The following ADGRV1 variants were observed in gnomAD, a reference collection of about 807,000 sequenced individuals.
ADGRV1 encodes adhesion G protein-coupled receptor V1, also known as G-protein coupled receptor 98.
A neutral mutation model predicts 596.2 loss-of-function variants in ADGRV1; 359 were observed. The observed-to-expected ratio is 0.60, with a 90% confidence interval of 0.55 to 0.66. The LOEUF (loss-of-function observed/expected upper bound fraction) is 0.66. Ranked by LOEUF, ADGRV1 falls within the 30% of genes least tolerant of loss-of-function variation. The probability of loss-of-function intolerance (pLI) is 0.00; values close to 1 mark genes in which losing one functional copy is unlikely to be tolerated. For missense variants in ADGRV1, 7,274 were observed against 7,575.6 expected, an observed-to-expected ratio of 0.96 and a Z score of 1.48; for synonymous variants, 2,681 against 2,679.2, an observed-to-expected ratio of 1.00 and a Z score of -0.02.
At chr5:90,750,267 A>T (rs1755092243) in intron 52 of ADGRV1, among the ~76,000 whole-genome samples, 1 of 152,346 alleles carries the variant, frequency 6.6e-6, no homozygotes, top group African/African-American at 2.4e-5. Flanking sequence ...AATGTAATAT[A>T]TGTTCACTGA....
At chr5:90,696,188 T>C (rs1325336204) in intron 33 of ADGRV1, among the ~76,000 whole-genome samples, 1 of 152,074 alleles carries the variant, frequency 6.6e-6, no homozygotes, top group Non-Finnish European at 1.5e-5. Flanking sequence ...GGGGAGAAAA[T>C]AAATAGGGGA....
chr5:91,094,953 G>A (rs1385707329), intron 86 of ADGRV1, among the ~76,000 whole-genome samples: 1 of 152,172 alleles, frequency 6.6e-6, no homozygotes, highest in African/African-American at 2.4e-5. Flanking sequence ...CATAATAAGT[G>A]TTGATAGAGT....
chr5:91,000,004 T>C (rs1396881780), intron 85 of ADGRV1, among the ~76,000 whole-genome samples: 3 of 152,238 alleles, frequency 2.0e-5, no homozygotes, highest in African/African-American at 4.8e-5. Context: ...AATAATGTTA[T>C]ATTTTTCTTA....
intron 54 of ADGRV1, 135 bp downstream of exon 54, chr5:90,753,964 T>C: frequency 1.3e-6 from 1 of 787,134 alleles, no homozygotes; most frequent in Non-Finnish European, 1.9e-6. Context: ...CAATCCTTTT[T>C]GTTTATTGTT....
chr5:90,814,183 G>A (rs1762695169), intron 74 of ADGRV1, among the ~76,000 whole-genome samples: 1 of 152,176 alleles, frequency 6.6e-6, no homozygotes, highest in South Asian at 2.1e-4. Context: ...GATGAGAATT[G>A]GCAGTCTGAA....
chr5:90,572,808 G>A (rs1000077858), intron 1 of ADGRV1, among the ~76,000 whole-genome samples: 3 of 152,146 alleles, frequency 2.0e-5, no homozygotes, highest in African/African-American at 4.8e-5. Context: ...TGTGAGAGAG[G>A]AGAAAATAAA....
chr5:90,601,561 G>C (rs1280984366), intron 1 of ADGRV1, among the ~76,000 whole-genome samples: 1 of 152,148 alleles, frequency 6.6e-6, no homozygotes, highest in Admixed American at 6.5e-5. Context: ...AAAAACATTG[G>C]ACTTAATCCC....
chr5:90,735,240 CA>C (rs1430401710), intron 50 of ADGRV1, among the ~76,000 whole-genome samples: 1 of 152,082 alleles, frequency 6.6e-6, no homozygotes, highest in East Asian at 1.9e-4. Flanking sequence ...TGTGGATATC[CA>C]ATTTTCTCAA....
chr5:91,159,707 T>A (rs931910571), intron 89 of ADGRV1, among the ~76,000 whole-genome samples: 20 of 152,100 alleles, frequency 1.3e-4, no homozygotes, highest in Non-Finnish European at 2.6e-4. Flanking sequence ...TAGTTTTTTT[T>A]TTTTATTTTA....
chr5:90,916,362 A>T, intron 83 of ADGRV1, among the ~76,000 whole-genome samples: 1 of 152,154 alleles, frequency 6.6e-6, no homozygotes, highest in Admixed American at 6.5e-5. Flanking sequence ...ACAATGTTTT[A>T]TAAATCTAAA....
At chr5:90,862,249 A>G (rs927833941) in intron 82 of ADGRV1, among the ~76,000 whole-genome samples, 2 of 152,138 alleles carry the variant, frequency 1.3e-5, no homozygotes, top group Non-Finnish European at 2.9e-5. Flanking sequence ...CTTGCCTCAC[A>G]TTGTCATCCT....
intron 2 of ADGRV1, among the ~76,000 whole-genome samples, 199 bp downstream of exon 2, chr5:90,615,218 A>C (rs919927888): frequency 6.6e-6 from 1 of 151,890 alleles, no homozygotes; most frequent in Non-Finnish European, 1.5e-5. Context: ...TATATTTAAC[A>C]GTACTATTTT....
intron 83 of ADGRV1, among the ~76,000 whole-genome samples, chr5:90,915,576 T>C (rs1338057631): frequency 6.6e-6 from 1 of 152,168 alleles, no homozygotes; most frequent in African/African-American, 2.4e-5. Context: ...AAATTAACGC[T>C]GATTGTGAGA....
chr5:90,773,329 C>T (rs1757892980), intron 59 of ADGRV1, among the ~76,000 whole-genome samples: 1 of 151,448 alleles, frequency 6.6e-6, no homozygotes, highest in Non-Finnish European at 1.5e-5. Context: ...ATAAATGGGT[C>T]AAAAAGAATA....
At chr5:91,013,460 TC>T (rs1393646745) in intron 85 of ADGRV1, among the ~76,000 whole-genome samples, 3 of 152,126 alleles carry the variant, frequency 2.0e-5, no homozygotes, top group Non-Finnish European at 2.9e-5. Flanking sequence ...TCTCTAATGA[TC>T]AGTGATACTG....
chr5:90,820,676 G>C (rs1268662907), intron 75 of ADGRV1, among the ~76,000 whole-genome samples: 2 of 149,618 alleles, frequency 1.3e-5, no homozygotes, highest in African/African-American at 2.5e-5. Flanking sequence ...CACTTATGAA[G>C]CTTAGTTTGG....
At chr5:90,905,637 C>T (rs1276312318) in intron 83 of ADGRV1, among the ~76,000 whole-genome samples, 2 of 152,006 alleles carry the variant, frequency 1.3e-5, no homozygotes, top group Non-Finnish European at 1.5e-5. Context: ...ATTATGGAGT[C>T]TCTAGGTTTT....
chr5:90,643,505 A>G (rs964479918), intron 13 of ADGRV1, among the ~76,000 whole-genome samples: 1 of 152,162 alleles, frequency 6.6e-6, no homozygotes, highest in African/African-American at 2.4e-5. Flanking sequence ...TATTTTATTC[A>G]CTTTTGTAAG....
In ADGRV1 at chr5:90,685,915, T is replaced by C. The variant is rs747442045; in HGVS notation, c.6410T>C (p.Ile2137Thr). The C allele has an allele frequency of 6.2e-7, 1 of 1,611,266 alleles. No individual in the cohort carries two copies. Among genetic ancestry groups the C allele is most frequent in the East Asian group, 2.2e-5 (1 of 44,816 alleles). ...GTGGCAGAAAATCATGTTGGACCCA[T>C]TATCAATGTGACTAGAACAGGAGGA... ...VRVAENHVGP[I>T]INVTRTGGAF... The change falls in exon 29 of 90, where the codon ATT becomes ACT. Residue 2137 changes from isoleucine (I) to threonine (T), a missense_variant. Physicochemically the swap from Ile to Thr is moderately conservative, Grantham distance 89. Transcript: ENST00000405460.
Sources: allele counts gnomAD v4.1 joint callset (sites outside exome capture counted in the v4.1 genomes callset), GRCh38; gene constraint gnomAD v4.1.1; transcripts MANE v1.5; gene names NCBI Gene and HGNC (gene_info 2026-07-23, HGNC 2026-07-21).